The following CAMSAP2 variants were observed in gnomAD, a reference collection of about 807,000 sequenced individuals.
CAMSAP2 encodes calmodulin regulated spectrin associated protein family member 2, also known as calmodulin-regulated spectrin-associated protein 2.
In CAMSAP2, 26 loss-of-function variants were observed where a neutral mutation model predicts 146.1. That is an observed-to-expected ratio of 0.18 (90% CI 0.13 to 0.25). The LOEUF (loss-of-function observed/expected upper bound fraction) is 0.25, where lower values mean the gene tolerates loss of function less well. Among genes scored for constraint, CAMSAP2 ranks in the 10% least tolerant of loss-of-function variants. The probability of loss-of-function intolerance (pLI) is 1.00; values close to 1 mark genes in which losing one functional copy is unlikely to be tolerated. For synonymous variants in CAMSAP2, 499 were observed against 596.6 expected (o/e 0.84, Z 2.38); for missense variants, 1,381 against 1,759.3 (o/e 0.78, Z 3.85).
chr1:200,807,739 C>CTTT (rs397948290), intron 3 of CAMSAP2, among the ~76,000 whole-genome samples: 19 of 131,396 alleles, frequency 1.4e-4, no homozygotes, highest in South Asian at 2.4e-4. Flanking sequence ...TATGATTACT[C>CTTT]TTTTTTTTTT....
chr1:200,752,705 C>T (rs1664541523), intron 1 of CAMSAP2, among the ~76,000 whole-genome samples: 1 of 151,884 alleles, frequency 6.6e-6, no homozygotes, highest in Non-Finnish European at 1.5e-5. Context: ...GCAAGCTCCA[C>T]CTCCCAGGTT....
intron 1 of CAMSAP2, among the ~76,000 whole-genome samples, chr1:200,747,759 C>T (rs905242182): frequency 6.6e-6 from 1 of 152,092 alleles, no homozygotes; most frequent in African/African-American, 2.4e-5. Context: ...GCCTGTAATC[C>T]CAGCACTCTG....
At chr1:200,809,552 G>A (rs1267597330) in intron 3 of CAMSAP2, among the ~76,000 whole-genome samples, 8 of 152,108 alleles carry the variant, frequency 5.3e-5, no homozygotes, top group African/African-American at 1.4e-4. Flanking sequence ...CCAACATGGC[G>A]AAACTCCGTC....
chr1:200,741,747 C>A (rs908235448), intron 1 of CAMSAP2, among the ~76,000 whole-genome samples: 23 of 151,886 alleles, frequency 1.5e-4, no homozygotes, highest in Admixed American at 3.3e-4. Flanking sequence ...ATTGAACACA[C>A]CTGAAGAAGA....
intron 3 of CAMSAP2, among the ~76,000 whole-genome samples, chr1:200,814,621 AAAAAAAAAAAAAAC>A (rs1666431043): frequency 7.2e-6 from 1 of 139,726 alleles, no homozygotes; most frequent in Non-Finnish European, 1.5e-5. Context: ...AAAAAAAAAA[AAAAAAAAAAAAAAC>A]AAGAAGAAGA....
chr1:200,830,068 G>A (rs1667003670), intron 4 of CAMSAP2, among the ~76,000 whole-genome samples: 1 of 152,128 alleles, frequency 6.6e-6, no homozygotes, highest in Non-Finnish European at 1.5e-5. Context: ...AGAAAGAAAG[G>A]GCATGTTTCC....
chr1:200,760,589 CTT>C (rs1440102643), intron 1 of CAMSAP2, among the ~76,000 whole-genome samples: 1 of 152,154 alleles, frequency 6.6e-6, no homozygotes, highest in Non-Finnish European at 1.5e-5. Flanking sequence ...ACTCAGAAAG[CTT>C]TTCTCCTTGT....
rs1192829231 is a variant in CAMSAP2, at chr1:200,847,218, G to A, written c.1118G>A (p.Gly373Glu). 1.9e-6 allele frequency: 3 copies of A among 1,607,070 alleles called. No individual in the cohort carries two copies. Among genetic ancestry groups the A allele is most frequent in the Non-Finnish European group, 2.6e-6 (3 of 1,176,338 alleles). ...TTTATTTTCCATTGCAGTGGGGAAG[G>A]AGCTACATTTACACAGTCTCATCAT... is the stretch of plus-strand genomic sequence containing the variant. Reference protein sequence around the residue: ...SSSDFPSSGEGATFTQSHHHL... With the variant: ...SSSDFPSSGEEATFTQSHHHL... The change falls in exon 9 of 17, where the codon GGA (glycine) becomes GAA (glutamate). Residue 373 changes from glycine (G) to glutamate (E), a missense_variant. Transcript: ENST00000358823.
At chr1:200,774,355 T>G (rs552564960) in intron 2 of CAMSAP2, among the ~76,000 whole-genome samples, 1 of 152,324 alleles carries the variant, frequency 6.6e-6, no homozygotes, top group East Asian at 1.9e-4. Context: ...CAGCCTGTAC[T>G]GTTCCATGTT....
chr1:200,749,345 G>A (rs962233396), intron 1 of CAMSAP2, among the ~76,000 whole-genome samples: 1 of 152,218 alleles, frequency 6.6e-6, no homozygotes, highest in Admixed American at 6.5e-5. Flanking sequence ...TGGGCATTGT[G>A]TTCCTTGGGC....
At position 200,832,931 on chromosome 1, in the gene CAMSAP2, C is replaced by T. The variant is rs968397182; in HGVS notation, c.927+86C>T. The T allele has an allele frequency of 1.3e-5, 16 of 1,205,666 alleles. 1 individual carries two copies. The South Asian group carries it at 2.5e-4, about 19-fold the overall frequency. The allele number at this position is 1,205,666 out of a possible 1,614,324, so 74.7% of individuals were successfully genotyped here. A position where few individuals can be genotyped will look rare whatever the true frequency, so the allele number is the denominator to read the frequency against. On this transcript the variant is annotated intron_variant, in intron 6 of 16. Transcript: ENST00000358823. The surrounding 1 kb of genome is among the most constrained non-coding windows in gnomAD (Gnocchi z 4.2). Reference sequence around the variant, plus strand: ...AACAAAAACACCGGGAACAGTGGCTCATGCCTGTAATCCCAGTACTTTGGG... The same window carrying T: ...AACAAAAACACCGGGAACAGTGGCTTATGCCTGTAATCCCAGTACTTTGGG...
intron 10 of CAMSAP2, 46 bp from the exon 11 acceptor site, chr1:200,847,986 C>T: frequency 7.9e-7 from 1 of 1,268,070 alleles, no homozygotes; most frequent in South Asian, 1.6e-5. Flanking sequence ...TACTAAAAAT[C>T]ATTTCTAGGA....
intron 3 of CAMSAP2, 48 bp downstream of exon 3, chr1:200,807,585 G>T: frequency 7.6e-7 from 1 of 1,312,444 alleles, no homozygotes; most frequent in Non-Finnish European, 1.0e-6. Context: ...GCCAGAAAAC[G>T]TGAAATTCTA....
At chr1:200,755,834 A>C (rs1034138816) in intron 1 of CAMSAP2, among the ~76,000 whole-genome samples, 5 of 152,212 alleles carry the variant, frequency 3.3e-5, no homozygotes, top group Admixed American at 2.0e-4. Context: ...AATAGTTGTT[A>C]TCTAGAGAAT....
chr1:200,836,082 T>TC (rs71138303), intron 6 of CAMSAP2, among the ~76,000 whole-genome samples: 19,558 of 149,170 alleles, frequency 0.13, 1,279 homozygotes, highest in East Asian at 0.17. Flanking sequence ...CATTTGAATC[T>TC]TTTTTTTTTT....
At chr1:200,749,666 A>G (rs1664444592) in intron 1 of CAMSAP2, among the ~76,000 whole-genome samples, 1 of 152,180 alleles carries the variant, frequency 6.6e-6, no homozygotes, top group Non-Finnish European at 1.5e-5. Context: ...CCTTATCTAT[A>G]CTTAAAATAT....
intron 2 of CAMSAP2, among the ~76,000 whole-genome samples, chr1:200,800,797 G>A (rs1022276569): frequency 6.6e-5 from 10 of 152,146 alleles, no homozygotes; most frequent in Admixed American, 3.3e-4. Context: ...TGCAGTGGCT[G>A]GTACTGGTTT....
At chr1:200,795,390 T>C (rs1229742297) in intron 2 of CAMSAP2, among the ~76,000 whole-genome samples, 1 of 152,182 alleles carries the variant, frequency 6.6e-6, no homozygotes, top group Non-Finnish European at 1.5e-5. Flanking sequence ...TAAGGTTTGA[T>C]GCCAGGGAAT....
At chr1:200,805,135 A>G (rs922152396) in intron 2 of CAMSAP2, among the ~76,000 whole-genome samples, 1 of 152,254 alleles carries the variant, frequency 6.6e-6, no homozygotes, top group Non-Finnish European at 1.5e-5. Flanking sequence ...AGTATATGGC[A>G]CATAAGTTAG....
Sources: gnomAD v4.1 joint callset for allele counts (sites outside exome capture counted in the v4.1 genomes callset) on GRCh38, gnomAD v4.1.1 for gene constraint, Gnocchi (gnomAD v3.1) non-coding constraint, MANE v1.5 for transcripts, NCBI Gene and HGNC (gene_info 2026-07-23, HGNC 2026-07-21) for gene names.